KDM4C: variants seen among roughly 807,000 people sequenced by gnomAD.
KDM4C encodes the protein lysine demethylase 4C.
Under a neutral mutation model 129.3 loss-of-function variants are expected in KDM4C, and 81 were observed. That is an observed-to-expected ratio of 0.63 (90% CI 0.52 to 0.75). KDM4C has a LOEUF of 0.75. Ranked by LOEUF, KDM4C falls within the 30% of genes least tolerant of loss-of-function variation. The probability of loss-of-function intolerance (pLI) is 0.00; values close to 1 mark genes in which losing one functional copy is unlikely to be tolerated. For synonymous variants in KDM4C, 573 were observed against 456.1 expected, an observed-to-expected ratio of 1.26 and a Z score of -3.26; for missense variants, 1,457 against 1,304.0, an observed-to-expected ratio of 1.12 and a Z score of -1.81.
chr9:6,927,094 TCTATCTA>T (rs1563826599), intron 8 of KDM4C, among the ~76,000 whole-genome samples: 72 of 78,850 alleles, frequency 9.1e-4, no homozygotes, highest in South Asian at 5.1e-3. Context: ...AAATTTTCTA[TCTATCTA>T]TCTATCTATC....
At chr9:6,977,343 A>C (rs955305468) in intron 8 of KDM4C, among the ~76,000 whole-genome samples, 1 of 152,164 alleles carries the variant, frequency 6.6e-6, no homozygotes, top group Non-Finnish European at 1.5e-5. Context: ...TTATAATATG[A>C]TATGTTCGAA....
intron 8 of KDM4C, among the ~76,000 whole-genome samples, chr9:6,932,965 G>T (rs1299228489): frequency 1.3e-5 from 2 of 152,196 alleles, no homozygotes; most frequent in Non-Finnish European, 2.9e-5. Context: ...CTTTGGTGTA[G>T]AGCTAATTTA....
At chr9:6,846,507 G>A (rs147311031) in intron 4 of KDM4C, among the ~76,000 whole-genome samples, 1 of 152,086 alleles carries the variant, frequency 6.6e-6, no homozygotes, top group African/African-American at 2.4e-5. Context: ...TAGTTTAATA[G>A]TAGAGAACAA....
At chr9:6,735,928 C>G (rs1331866321) in intron 1 of KDM4C, among the ~76,000 whole-genome samples, 1 of 152,220 alleles carries the variant, frequency 6.6e-6, no homozygotes, top group African/African-American at 2.4e-5. Flanking sequence ...TGGCTTTGAC[C>G]AAAATGCTGA....
At chr9:6,941,340 T>A (rs754734113) in intron 8 of KDM4C, among the ~76,000 whole-genome samples, 5 of 152,184 alleles carry the variant, frequency 3.3e-5, no homozygotes, top group Admixed American at 6.5e-5. Context: ...TTTTGGAAAA[T>A]GTCTGTTTAC....
At chr9:7,090,469 CTCTAG>C (rs1325139451) in intron 17 of KDM4C, among the ~76,000 whole-genome samples, 2 of 151,828 alleles carry the variant, frequency 1.3e-5, no homozygotes, top group African/African-American at 4.9e-5. Flanking sequence ...GCACTTTTTC[CTCTAG>C]TCAAGTAAAT....
intron 1 of KDM4C, among the ~76,000 whole-genome samples, chr9:6,750,828 C>A (rs72699607): frequency 0.074 from 11,314 of 152,226 alleles, 612 homozygotes; most frequent in Non-Finnish European, 0.11. Flanking sequence ...TTTTACTATT[C>A]TCTGGGTTAG....
At chr9:7,140,131 G>T (rs1006208083) in intron 19 of KDM4C, among the ~76,000 whole-genome samples, 8 of 152,100 alleles carry the variant, frequency 5.3e-5, no homozygotes, top group African/African-American at 9.7e-5. Flanking sequence ...CATGTATTAG[G>T]AGACAGCCTT....
chr9:6,977,479 T>G (rs73639442), intron 8 of KDM4C, among the ~76,000 whole-genome samples: 25,043 of 152,140 alleles, frequency 0.16, 2,570 homozygotes, highest in South Asian at 0.39. Context: ...ACATACATGT[T>G]GCCATGTAAT....
intron 1 of KDM4C, among the ~76,000 whole-genome samples, chr9:6,785,554 G>T (rs1246205022): frequency 6.6e-6 from 1 of 152,036 alleles, no homozygotes; most frequent in East Asian, 1.9e-4. Flanking sequence ...GGCCAGGCTG[G>T]TCTTGAACTC....
chr9:7,014,084 G>A (rs1823203966), intron 14 of KDM4C, 83 bp downstream of exon 14: 4 of 1,077,964 alleles, frequency 3.7e-6, no homozygotes, highest in African/African-American at 3.2e-5. Context: ...GAACCTGTCA[G>A]ATCTGTTGCA....
At chr9:7,120,353 AG>A (rs1364830205) in intron 18 of KDM4C, among the ~76,000 whole-genome samples, 2 of 152,190 alleles carry the variant, frequency 1.3e-5, no homozygotes, top group Non-Finnish European at 2.9e-5. Flanking sequence ...TGGTAGTCTT[AG>A]GAAAGCTAGA....
chr9:6,756,439 GGGTGAAGTGGCT>G (rs1489128045), upstream of KDM4C, among the ~76,000 whole-genome samples: 1 of 152,192 alleles, frequency 6.6e-6, no homozygotes, highest in Non-Finnish European at 1.5e-5. Flanking sequence ...GTGTGTGGCC[GGGTGAAGTGGCT>G]CACGCCTGTA....
chr9:7,102,203 C>CA lies in KDM4C; in HGVS notation c.2425-1481dup, dbSNP rs993199804. On this transcript the variant is annotated intron_variant, in intron 17 of 21. Coordinates refer to ENST00000381309, the MANE Select transcript of KDM4C (RefSeq NM_015061.6). ...ATTGAATCTAGATGTATAAGGAAAT[C>CA]ACATAAGTACCTAATGTATAGGGTC... 4.6e-5 allele frequency among the ~76,000 whole-genome samples: 7 copies of CA among 151,502 alleles called. 1 individual carries two copies. The highest frequency in any genetic ancestry group is 1.7e-4 in the African/African-American group (7 of 41,210).
intron 4 of KDM4C, among the ~76,000 whole-genome samples, chr9:6,823,232 G>T (rs1833328900): frequency 6.6e-6 from 1 of 152,136 alleles, no homozygotes; most frequent in Admixed American, 6.5e-5. Flanking sequence ...TCTCCATCGT[G>T]CTGGCTTTCC....
At chr9:7,056,361 A>AG (rs1222797573) in intron 17 of KDM4C, among the ~76,000 whole-genome samples, 1 of 151,874 alleles carries the variant, frequency 6.6e-6, no homozygotes, top group Non-Finnish European at 1.5e-5. Context: ...AAAAAAAAAA[A>AG]AGTACATTAG....
rs576130457 is a variant in KDM4C, at chr9:6,802,761, C to T, written c.145-2838C>T. On this transcript the variant is annotated intron_variant, in intron 2 of 21. Transcript: ENST00000381309. ...AGCTTGGACTACAGGCATTGACCAC[C>T]ACGTTTGGCTAATTTTTGTATTTTT... 2.0e-5 allele frequency among the ~76,000 whole-genome samples: 3 copies of T among 152,298 alleles called. No homozygotes were observed. In the South Asian group the frequency reaches 6.2e-4, roughly 32 times the overall value.
chr9:6,969,427 T>G (rs928517415), intron 8 of KDM4C, among the ~76,000 whole-genome samples: 1 of 152,216 alleles, frequency 6.6e-6, no homozygotes, highest in Admixed American at 6.5e-5. Context: ...TTTTATCTGC[T>G]GATAGGCTTG....
intron 16 of KDM4C, 40 bp downstream of exon 16, chr9:7,046,957 C>T (rs766752330): frequency 2.9e-6 from 4 of 1,395,096 alleles, no homozygotes; most frequent in Non-Finnish European, 4.1e-6. Flanking sequence ...CATTATTTTT[C>T]TTTCTCCATT....
Sources: gnomAD v4.1 joint callset for allele counts (sites outside exome capture counted in the v4.1 genomes callset) on GRCh38, gnomAD v4.1.1 for gene constraint, MANE v1.5 for transcripts, NCBI Gene and HGNC (gene_info 2026-07-23, HGNC 2026-07-21) for gene names.